The following PCLO variants were observed in gnomAD, a reference collection of about 807,000 sequenced individuals.
The protein encoded by PCLO is protein piccolo.
PCLO carries 82 observed loss-of-function variants against 427.5 expected under a neutral mutation model. That is an observed-to-expected ratio of 0.19 (90% CI 0.16 to 0.23). PCLO has a LOEUF of 0.23. PCLO is among the 10% of genes least tolerant of loss of function. PCLO has a pLI of 1.00. For synonymous variants in PCLO, 2,357 were observed against 2,155.4 expected (o/e 1.09, Z -2.59); for missense variants, 6,239 against 6,115.9 (o/e 1.02, Z -0.67).
chr7:83,091,690 A>G (rs536158952), intron 3 of PCLO, among the ~76,000 whole-genome samples: 204 of 152,278 alleles, frequency 1.3e-3, no homozygotes, highest in African/African-American at 4.7e-3. Flanking sequence ...TAAATGTTCA[A>G]TTGATTTTGC....
At position 82,758,273 on chromosome 7, in the gene PCLO, A is replaced by G. The variant is rs561791039; in HGVS notation, c.*302T>C. 56 of 223,554 alleles carry G rather than the reference A, an allele frequency of 2.5e-4. No individual in the cohort carries two copies. Among genetic ancestry groups the G allele is most frequent in the African/African-American group, 8.2e-4 (36 of 43,844 alleles). 13.8% of individuals were successfully genotyped at this position (223,554 alleles called of 1,614,324 possible). ...TGAGCCTGTCTTAAGCTATAGCTCA[A>G]CTCTACTCAAAGATTATTGTCTTAA... On this transcript the variant is annotated 3_prime_UTR_variant, in exon 25 of 25. Coordinates refer to ENST00000333891, the MANE Select transcript of PCLO (RefSeq NM_033026.6).
intron 8 of PCLO, among the ~76,000 whole-genome samples, chr7:82,904,170 C>T (rs1794125018): frequency 6.6e-6 from 1 of 151,832 alleles, no homozygotes. Flanking sequence ...CATACTAATG[C>T]TAACTTTGTA....
At position 83,093,475 on chromosome 7, in the gene PCLO, TAG is replaced by T. The variant is rs1562960114; in HGVS notation, c.3300+40773_3300+40774del. The stretch of plus-strand genomic sequence containing the variant: ...ACAAACATATATATGTGTGTGTGTA[TAG>T]ATATATATATATATATTTTTTTTTT... On this transcript the variant is annotated intron_variant, in intron 3 of 24. Transcript: ENST00000333891. Among the ~76,000 whole-genome samples, 43 of 101,340 alleles carry T rather than the reference TAG, an allele frequency of 4.2e-4. 3 individuals carry two copies. Among genetic ancestry groups the T allele is most frequent in the South Asian group, 1.4e-3 (5 of 3,590 alleles). 66.5% of individuals were successfully genotyped at this position (101,340 alleles called of 152,430 possible).
chr7:82,815,237 C>A (rs924464689), intron 20 of PCLO, among the ~76,000 whole-genome samples: 1 of 151,698 alleles, frequency 6.6e-6, no homozygotes, highest in African/African-American at 2.4e-5. Context: ...TGCACAGAAA[C>A]CCGGAGTAAA....
intron 3 of PCLO, among the ~76,000 whole-genome samples, chr7:83,043,303 G>T (rs981877960): frequency 6.6e-6 from 1 of 152,138 alleles, no homozygotes; most frequent in Non-Finnish European, 1.5e-5. Context: ...TGATTGTCTG[G>T]CCTCTATTTC....
At chr7:82,832,536 T>C (rs1487983642) in intron 16 of PCLO, among the ~76,000 whole-genome samples, 1 of 151,972 alleles carries the variant, frequency 6.6e-6, no homozygotes, top group Non-Finnish European at 1.5e-5. Flanking sequence ...TTTATTTTTT[T>C]ATTTGTTTTT....
intron 2 of PCLO, among the ~76,000 whole-genome samples, chr7:83,144,674 C>T (rs1281310271): frequency 2.0e-5 from 3 of 152,162 alleles, no homozygotes; most frequent in South Asian, 2.1e-4. Context: ...CAAATCTTAT[C>T]TACATTTTTC....
intron 6 of PCLO, among the ~76,000 whole-genome samples, chr7:82,940,438 T>C (rs1171247984): frequency 1.3e-5 from 2 of 152,170 alleles, no homozygotes; most frequent in East Asian, 3.9e-4. Context: ...GATCAGAAAT[T>C]TAGATTTGAT....
At chr7:82,760,854 T>C in intron 23 of PCLO, 70 bp from the exon 24 acceptor site, 1 of 747,862 alleles carries the variant, frequency 1.3e-6, no homozygotes, top group Non-Finnish European at 2.0e-6. Context: ...ATTATAACTG[T>C]ATACTGAGAG....
chr7:83,034,105 T>C (rs1788735480), intron 3 of PCLO, among the ~76,000 whole-genome samples: 2 of 152,174 alleles, frequency 1.3e-5, no homozygotes, highest in South Asian at 2.1e-4. Context: ...AAAACATCTC[T>C]TACTATAATC....
chr7:82,951,766 T>C, intron 5 of PCLO, 90 bp downstream of exon 5: 2 of 1,490,004 alleles, frequency 1.3e-6, no homozygotes, highest in Non-Finnish European at 1.8e-6. Context: ...GTAACAAAAC[T>C]GGAAAAGAAG....
At chr7:83,078,382 G>T (rs1388722210) in intron 3 of PCLO, among the ~76,000 whole-genome samples, 10 of 151,860 alleles carry the variant, frequency 6.6e-5, no homozygotes, top group African/African-American at 1.2e-4. Flanking sequence ...CCTATTTTTT[G>T]AACAGAAATT....
At chr7:82,947,789 A>T (rs1795238261) in intron 6 of PCLO, among the ~76,000 whole-genome samples, 1 of 152,190 alleles carries the variant, frequency 6.6e-6, no homozygotes, top group Non-Finnish European at 1.5e-5. Context: ...TTTCTGACAC[A>T]ATCAGTAATA....
chr7:82,790,032 T>C (rs532824181), intron 22 of PCLO, among the ~76,000 whole-genome samples: 1 of 152,270 alleles, frequency 6.6e-6, no homozygotes, highest in Admixed American at 6.5e-5. Flanking sequence ...GCATTTTGAT[T>C]CTGAATCATT....
At chr7:83,080,494 T>C (rs752763100) in intron 3 of PCLO, among the ~76,000 whole-genome samples, 1 of 152,158 alleles carries the variant, frequency 6.6e-6, no homozygotes, top group Non-Finnish European at 1.5e-5. Context: ...CAAAGCAATG[T>C]TTATTTGCCC....
chr7:82,948,294 GAA>G (rs34214635), intron 6 of PCLO, among the ~76,000 whole-genome samples: 1 of 142,706 alleles, frequency 7.0e-6, no homozygotes, highest in Non-Finnish European at 1.5e-5. Context: ...ACTACTTTGA[GAA>G]AAAAAAAAAC....
intron 3 of PCLO, among the ~76,000 whole-genome samples, chr7:83,127,024 T>C (rs1584059173): frequency 6.6e-6 from 1 of 152,270 alleles, no homozygotes; most frequent in Non-Finnish European, 1.5e-5. Flanking sequence ...TTTCAATGAA[T>C]TTATATACTT....
At chr7:83,019,461 G>A (rs1788288571) in intron 3 of PCLO, among the ~76,000 whole-genome samples, 1 of 151,142 alleles carries the variant, frequency 6.6e-6, no homozygotes, top group South Asian at 2.1e-4. Flanking sequence ...TGTATTTTAA[G>A]GAAATAATAT....
Position 83,135,241 on chromosome 7 carries a change from G to A in PCLO, c.2309C>T (p.Ser770Leu). The A allele has an allele frequency of 6.2e-7, 1 of 1,613,918 alleles. No individual in the cohort carries two copies. The highest frequency in any genetic ancestry group is 8.5e-7 in the Non-Finnish European group (1 of 1,179,874). ...AATATCAGGTTTTGTTGTTGCTGAT[G>A]ATGAAGATACAAGGTCAGTGGTTGG... ...VKPTTDLVSS[S>L]SATTKPDIPS... The change falls in exon 3 of 25, where the codon TCA becomes TTA. Residue 770 changes from serine (S) to leucine (L), a missense_variant. This residue lies in a region of PCLO where 4,677 missense variants were observed against 4,468.4 expected (regional missense o/e 1.05). Transcript: ENST00000333891.
Sources: allele counts gnomAD v4.1 joint callset (sites outside exome capture counted in the v4.1 genomes callset), GRCh38; gene constraint gnomAD v4.1.1; regional missense constraint gnomAD v4.1.1; transcripts MANE v1.5; gene names NCBI Gene and HGNC (gene_info 2026-07-23, HGNC 2026-07-21).